The following PPFIA2 variants were observed in gnomAD, a reference collection of about 807,000 sequenced individuals.
PPFIA2 encodes PPFI scaffold protein A2.
PPFIA2 carries 46 observed loss-of-function variants against 175.5 expected under a neutral mutation model. That is an observed-to-expected ratio of 0.26 (90% CI 0.21 to 0.34). The LOEUF (loss-of-function observed/expected upper bound fraction) is 0.34. Among genes scored for constraint, PPFIA2 ranks in the 10% least tolerant of loss-of-function variants. The probability of loss-of-function intolerance (pLI) is 1.00; values close to 1 mark genes in which losing one functional copy is unlikely to be tolerated. For missense variants in PPFIA2, 1,179 were observed against 1,506.1 expected, an observed-to-expected ratio of 0.78 and a Z score of 3.60; for synonymous variants, 568 against 511.4, an observed-to-expected ratio of 1.11 and a Z score of -1.49.
intron 7 of PPFIA2, among the ~76,000 whole-genome samples, chr12:81,423,627 A>G (rs2046667929): frequency 6.6e-6 from 1 of 152,196 alleles, no homozygotes. Flanking sequence ...GGAAAAGTAC[A>G]TAGCTAACAT....
At chr12:81,476,627 T>C (rs1445193961) in intron 4 of PPFIA2, among the ~76,000 whole-genome samples, 1 of 152,200 alleles carries the variant, frequency 6.6e-6, no homozygotes, top group Non-Finnish European at 1.5e-5. Flanking sequence ...AGAAGTTTGG[T>C]CTGCATTGTG....
intron 9 of PPFIA2, among the ~76,000 whole-genome samples, chr12:81,379,277 G>T (rs1482904975): frequency 6.6e-6 from 1 of 152,070 alleles, no homozygotes; most frequent in African/African-American, 2.4e-5. Context: ...AAAAAATAAA[G>T]ATTCAATGAT....
chr12:81,395,132 G>C (rs1324434040), intron 8 of PPFIA2, among the ~76,000 whole-genome samples: 3 of 151,912 alleles, frequency 2.0e-5, no homozygotes. Context: ...TTGCAAGTTT[G>C]CTGTAATCCA....
At chr12:81,328,558 C>T (rs2055346434) in intron 21 of PPFIA2, among the ~76,000 whole-genome samples, 1 of 151,888 alleles carries the variant, frequency 6.6e-6, no homozygotes, top group Non-Finnish European at 1.5e-5. Flanking sequence ...ATGTAGCTAC[C>T]AGAAAATTTA....
At chr12:81,294,572 T>G in intron 24 of PPFIA2, 1 of 450,408 alleles carries the variant, frequency 2.2e-6, no homozygotes, top group Non-Finnish European at 4.0e-6. Flanking sequence ...AAGCTCAGGG[T>G]CTTGTCGCTT....
chr12:81,513,210 T>C (rs2062004725), intron 4 of PPFIA2, among the ~76,000 whole-genome samples: 1 of 151,958 alleles, frequency 6.6e-6, no homozygotes, highest in African/African-American at 2.4e-5. Flanking sequence ...TACCAACTTA[T>C]TCTTGCAGGG....
chr12:81,369,918 C>A (rs1222098471), intron 11 of PPFIA2, among the ~76,000 whole-genome samples: 3 of 151,646 alleles, frequency 2.0e-5, no homozygotes, highest in Non-Finnish European at 2.9e-5. Context: ...CAATAATATA[C>A]TAAAATAAAA....
chr12:81,405,741 T>C (rs376256388), intron 8 of PPFIA2, 46 bp downstream of exon 8: 13 of 1,067,418 alleles, frequency 1.2e-5, no homozygotes, highest in South Asian at 4.9e-5. Flanking sequence ...TCAAATGATA[T>C]AAGAAGTAAA....
chr12:81,325,676 T>A, intron 22 of PPFIA2, 101 bp downstream of exon 22: 1 of 833,082 alleles, frequency 1.2e-6, no homozygotes, highest in Non-Finnish European at 1.9e-6. Context: ...TTGGCTTCAA[T>A]ATAGTTCTTT....
chr12:81,750,916 C>A (rs1240808863), intron 3 of PPFIA2, among the ~76,000 whole-genome samples: 1 of 152,018 alleles, frequency 6.6e-6, no homozygotes, highest in Non-Finnish European at 1.5e-5. Context: ...TAGTGGTTTT[C>A]AATTTTACAT....
chr12:81,652,853 C>T (rs555263988), intron 4 of PPFIA2, among the ~76,000 whole-genome samples: 10 of 152,192 alleles, frequency 6.6e-5, no homozygotes, highest in Admixed American at 1.3e-4. Context: ...GAACATTGCC[C>T]TTTTCTTCCC....
At chr12:81,310,409 G>A (rs1407742886) in intron 22 of PPFIA2, among the ~76,000 whole-genome samples, 3 of 152,066 alleles carry the variant, frequency 2.0e-5, no homozygotes, top group Admixed American at 6.6e-5. Flanking sequence ...TAAGTTCGAG[G>A]AGCATGTGTA....
In PPFIA2 at chr12:81,432,774, A is replaced by G. The variant is rs193011297; in HGVS notation, c.645+7198T>C. On this transcript the variant is annotated intron_variant, in intron 7 of 32. Coordinates refer to ENST00000549396, the MANE Select transcript of PPFIA2 (RefSeq NM_003625.5). ...GCCCGGCTAGAACTAACTATTTACA[A>G]ATATGAGTTTGTTAACATATTTATA... Among the ~76,000 whole-genome samples, 412 of 152,198 alleles carry G rather than the reference A, an allele frequency of 2.7e-3. 1 individual carries two copies. The highest frequency in any genetic ancestry group is 9.2e-3 in the African/African-American group (382 of 41,542).
intron 3 of PPFIA2, among the ~76,000 whole-genome samples, chr12:81,684,393 T>C (rs1222182993): frequency 3.9e-5 from 6 of 152,056 alleles, no homozygotes; most frequent in Non-Finnish European, 8.8e-5. Flanking sequence ...GCAAGAACAA[T>C]GTAGTCAAGA....
intron 4 of PPFIA2, among the ~76,000 whole-genome samples, chr12:81,513,961 CAAGCA>C (rs2062096584): frequency 6.6e-6 from 1 of 151,942 alleles, no homozygotes; most frequent in Non-Finnish European, 1.5e-5. Context: ...CAAAAATGAA[CAAGCA>C]AAGAAACCAC....
chr12:81,615,163 G>C (rs1370681372), intron 4 of PPFIA2, among the ~76,000 whole-genome samples: 1 of 152,178 alleles, frequency 6.6e-6, no homozygotes, highest in East Asian at 1.9e-4. Flanking sequence ...AGATAGAAAG[G>C]TATTAAAGAC....
chr12:81,567,172 C>T (rs1183152189), intron 4 of PPFIA2, among the ~76,000 whole-genome samples: 5 of 152,128 alleles, frequency 3.3e-5, no homozygotes, highest in Admixed American at 6.5e-5. Context: ...CTCGGCCTCC[C>T]GAGTAGCTGG....
chr12:81,464,314 A>T (rs147437799), intron 4 of PPFIA2, among the ~76,000 whole-genome samples: 360 of 152,244 alleles, frequency 2.4e-3, no homozygotes, highest in African/African-American at 8.0e-3. Flanking sequence ...TCATTATAGC[A>T]GTGTTATTAT....
chr12:81,552,307 T>C (rs1278527681), intron 4 of PPFIA2, among the ~76,000 whole-genome samples: 20 of 151,868 alleles, frequency 1.3e-4, no homozygotes, highest in Admixed American at 1.1e-3. Context: ...GTTAAGTAAA[T>C]TATTTCATAT....
Sources: allele counts gnomAD v4.1 joint callset (sites outside exome capture counted in the v4.1 genomes callset), GRCh38; gene constraint gnomAD v4.1.1; transcripts MANE v1.5; gene names NCBI Gene and HGNC (gene_info 2026-07-23, HGNC 2026-07-21).